PMS1: variants seen among roughly 807,000 people sequenced by gnomAD.
The protein encoded by PMS1 is PMS1 homolog 1, mismatch repair system component.
In PMS1, 79 loss-of-function variants were observed where a neutral mutation model predicts 93.1. That is an observed-to-expected ratio of 0.85 (90% CI 0.71 to 1.02). PMS1 has a LOEUF of 1.02. Ranked by LOEUF, PMS1 falls within the 50% of genes least tolerant of loss-of-function variation. The probability of loss-of-function intolerance (pLI) is 0.00; values close to 1 mark genes in which losing one functional copy is unlikely to be tolerated. For missense variants in PMS1, 1,064 were observed against 1,085.3 expected, an observed-to-expected ratio of 0.98 and a Z score of 0.28; for synonymous variants, 335 against 363.4, an observed-to-expected ratio of 0.92 and a Z score of 0.89.
chr2:189,811,837 T>G (rs1486692037), intron 4 of PMS1, among the ~76,000 whole-genome samples: 1 of 152,166 alleles, frequency 6.6e-6, no homozygotes, highest in Admixed American at 6.5e-5. Context: ...TTTTTCTTTT[T>G]TAGAGATTCA....
intron 3 of PMS1, among the ~76,000 whole-genome samples, chr2:189,804,940 C>T (rs1203118689): frequency 6.6e-6 from 1 of 151,762 alleles, no homozygotes; most frequent in East Asian, 1.9e-4. Context: ...ATTGTACTTT[C>T]ATACCTACCT....
chr2:189,811,549 T>G (rs2050847453), intron 4 of PMS1, among the ~76,000 whole-genome samples: 1 of 152,082 alleles, frequency 6.6e-6, no homozygotes, highest in South Asian at 2.1e-4. Context: ...GAGCCAAGAT[T>G]GTGCCATACA....
At chr2:189,868,010 C>T (rs563844783) in intron 11 of PMS1, 81 bp downstream of exon 11, 6 of 1,180,158 alleles carry the variant, frequency 5.1e-6, no homozygotes, top group Non-Finnish European at 6.3e-6. Flanking sequence ...TCATGATTTA[C>T]AGATATGGTG....
chr2:189,854,388 A>C lies in PMS1; in HGVS notation c.1116A>C (p.Lys372Asn), dbSNP rs1185422552. The change falls in exon 9 of 13, where the codon AAA becomes AAC. Residue 372 changes from lysine to asparagine, a missense_variant. Lys to Asn is a moderately conservative substitution (Grantham distance 94, BLOSUM62 0). Coordinates refer to ENST00000441310, the MANE Select transcript of PMS1 (RefSeq NM_000534.5). Reference sequence around the variant, plus strand: ...CAGAAACAGATGTGCTTTTTAATAAAGTGGAATCATCTGGAAAGAATTATT... The same window carrying C: ...CAGAAACAGATGTGCTTTTTAATAACGTGGAATCATCTGGAAAGAATTATT... Reference protein sequence around the residue: ...KTAETDVLFNKVESSGKNYSN... With the variant: ...KTAETDVLFNNVESSGKNYSN... 2 of 1,602,012 alleles carry C rather than the reference A, an allele frequency of 1.2e-6. No homozygotes were observed. Among genetic ancestry groups the C allele is most frequent in the South Asian group, 1.1e-5 (1 of 89,504 alleles).
chr2:189,854,697 A>G lies in PMS1; in HGVS notation c.1425A>G (p.Ile475Met). The change falls in exon 9 of 13, where the codon ATA (isoleucine) becomes ATG (methionine). Residue 475 changes from isoleucine (I) to methionine (M), a missense_variant. Physicochemically the swap from Ile to Met is conservative, Grantham distance 10. Coordinates refer to ENST00000441310, the MANE Select transcript of PMS1 (RefSeq NM_000534.5). ...CAGAAAATGGCAATAAAGACCATAT[A>G]GATGAGAGTGGGGAAAATGAGGAAG... ...TQSENGNKDH[I>M]DESGENEEEA... is the part of the protein sequence containing the mutation. 2 of 1,613,926 alleles carry G rather than the reference A, an allele frequency of 1.2e-6. No homozygotes were observed. The highest frequency in any genetic ancestry group is 1.7e-4 in the Middle Eastern group (1 of 6,060).
chr2:189,829,267 A>G (rs373174828), intron 5 of PMS1, among the ~76,000 whole-genome samples: 4 of 152,210 alleles, frequency 2.6e-5, no homozygotes, highest in Admixed American at 6.5e-5. Flanking sequence ...GTGTGTAAAC[A>G]TAACATAAAT....
At chr2:189,803,916 T>C (rs1415843576) in intron 3 of PMS1, among the ~76,000 whole-genome samples, 2 of 152,218 alleles carry the variant, frequency 1.3e-5, no homozygotes, top group Admixed American at 1.3e-4. Flanking sequence ...AAATGTTACA[T>C]TATGAGCACT....
At chr2:189,817,401 A>G (rs1456191124) in intron 4 of PMS1, among the ~76,000 whole-genome samples, 1 of 152,222 alleles carries the variant, frequency 6.6e-6, no homozygotes, top group Admixed American at 6.5e-5. Context: ...GGCTATGACA[A>G]ACATTCAGTC....
At chr2:189,786,917 G>T (rs1227504995) in intron 1 of PMS1, among the ~76,000 whole-genome samples, 1 of 152,168 alleles carries the variant, frequency 6.6e-6, no homozygotes, top group Non-Finnish European at 1.5e-5. Flanking sequence ...GCCAGGTGTG[G>T]TGGCGGGCAC....
chr2:189,849,656 C>T (rs2054531864), intron 6 of PMS1, among the ~76,000 whole-genome samples: 1 of 152,094 alleles, frequency 6.6e-6, no homozygotes, highest in Admixed American at 6.5e-5. Flanking sequence ...CCAACTTCCA[C>T]TTCTTTCCCA....
At chr2:189,792,940 G>A (rs913412999) in intron 2 of PMS1, among the ~76,000 whole-genome samples, 8 of 151,898 alleles carry the variant, frequency 5.3e-5, no homozygotes, top group Admixed American at 3.9e-4. Context: ...CTCCTGAATA[G>A]CTGGGATTAC....
intron 3 of PMS1, among the ~76,000 whole-genome samples, chr2:189,798,448 A>AACCGCTGTCCAAAATCTAGCACAC (rs2049553882): frequency 6.6e-6 from 1 of 152,170 alleles, no homozygotes; most frequent in Non-Finnish European, 1.5e-5. Context: ...GTACTCTTAA[A>AACCGCTGTCCAAAATCTAGCACAC]ACCGCTGTCC....
chr2:189,834,188 G>T (rs938886000), intron 5 of PMS1, among the ~76,000 whole-genome samples: 10 of 152,172 alleles, frequency 6.6e-5, no homozygotes, highest in African/African-American at 2.4e-4. Flanking sequence ...GAGTCAAAAA[G>T]GATTATTAGA....
intron 7 of PMS1, 52 bp from the exon 8 acceptor site, chr2:189,853,887 T>C: frequency 1.2e-5 from 14 of 1,169,030 alleles, no homozygotes; most frequent in Non-Finnish European, 1.7e-5. Flanking sequence ...GGTTTTATTG[T>C]ACTTTTTAAT....
chr2:189,805,340 C>T (rs973604314), intron 3 of PMS1, among the ~76,000 whole-genome samples: 1 of 152,076 alleles, frequency 6.6e-6, no homozygotes, highest in Admixed American at 6.6e-5. Context: ...AGTTGAAGTA[C>T]TTGCTTTTAC....
Position 189,854,987 on chromosome 2 carries a change from A to G in PMS1, c.1715A>G (p.Lys572Arg), listed in dbSNP as rs1193890762. The change falls in exon 9 of 13, where the codon AAG becomes AGG. Residue 572 changes from lysine (K) to arginine (R), a missense_variant. By Grantham distance (26) the Lys-to-Arg change is conservative (BLOSUM62 2). Coordinates refer to ENST00000441310, the MANE Select transcript of PMS1 (RefSeq NM_000534.5). ...AYDLLSNRVI[K>R]KPMSASALFV... is the part of the protein sequence containing the mutation. ...GATTTACTTAGCAATCGAGTAATCA[A>G]GAAACCCATGTCAGCAAGTGCTCTT... is the stretch of plus-strand genomic sequence containing the variant. 2.5e-6 allele frequency: 4 copies of G among 1,613,524 alleles called. No homozygotes were observed. In the African/African-American group the frequency reaches 4.0e-5, roughly 16 times the overall value.
intron 9 of PMS1, among the ~76,000 whole-genome samples, chr2:189,862,035 T>C (rs2056071055): frequency 6.6e-6 from 1 of 152,102 alleles, no homozygotes; most frequent in Non-Finnish European, 1.5e-5. Context: ...TTCTCCAAAT[T>C]TGCTGATTAT....
intron 5 of PMS1, among the ~76,000 whole-genome samples, chr2:189,823,399 T>A (rs908275924): frequency 1.3e-5 from 2 of 152,164 alleles, no homozygotes; most frequent in African/African-American, 4.8e-5. Flanking sequence ...ATTAGGAATA[T>A]CTCCTAATGC....
chr2:189,823,682 T>A (rs2052171025), intron 5 of PMS1, among the ~76,000 whole-genome samples: 1 of 152,230 alleles, frequency 6.6e-6, no homozygotes, highest in Admixed American at 6.5e-5. Flanking sequence ...ATCACAGGCA[T>A]AAAATTTAAT....
Sources: allele counts gnomAD v4.1 joint callset (sites outside exome capture counted in the v4.1 genomes callset), GRCh38; gene constraint gnomAD v4.1.1; transcripts MANE v1.5; gene names NCBI Gene and HGNC (gene_info 2026-07-23, HGNC 2026-07-21).